MAP4K3: variants seen among roughly 807,000 people sequenced by gnomAD.
MAP4K3 encodes mitogen-activated protein kinase kinase kinase kinase 3.
In MAP4K3, 94 loss-of-function variants were observed where a neutral mutation model predicts 143.5. The observed-to-expected ratio is 0.65, with a 90% CI of 0.55 to 0.78. The LOEUF (loss-of-function observed/expected upper bound fraction) is 0.78, where lower values mean the gene tolerates loss of function less well. Ranked by LOEUF, MAP4K3 falls within the 30% of genes least tolerant of loss-of-function variation. The pLI is 0.00. For missense variants in MAP4K3, 1,077 were observed against 1,068.1 expected (o/e 1.01, Z -0.12); for synonymous variants, 416 against 347.2 (o/e 1.20, Z -2.20).
At chr2:39,374,706 T>A (rs1348659228) in intron 2 of MAP4K3, among the ~76,000 whole-genome samples, 6 of 151,930 alleles carry the variant, frequency 3.9e-5, no homozygotes, top group Non-Finnish European at 8.8e-5. Flanking sequence ...TTAAACAAAA[T>A]TTTTTAAATT....
At chr2:39,295,415 C>T (rs73923845) in intron 16 of MAP4K3, among the ~76,000 whole-genome samples, 59 of 151,802 alleles carry the variant, frequency 3.9e-4, no homozygotes, top group African/African-American at 1.4e-3. Context: ...ATAGTTATAA[C>T]CCCCATAAAC....
intron 19 of MAP4K3, among the ~76,000 whole-genome samples, chr2:39,289,852 A>G (rs1316036324): frequency 6.6e-6 from 1 of 152,240 alleles, no homozygotes; most frequent in Non-Finnish European, 1.5e-5. Flanking sequence ...TGGGAGGCCA[A>G]GGCAGGCAGA....
intron 27 of MAP4K3, 43 bp from the exon 28 acceptor site, chr2:39,265,349 G>T (rs1680725051): frequency 2.6e-6 from 3 of 1,166,622 alleles, no homozygotes; most frequent in East Asian, 2.3e-5. Flanking sequence ...ATAAAACAAA[G>T]TCATTATGAC....
At chr2:39,324,356 G>C (rs1047520994) in intron 12 of MAP4K3, among the ~76,000 whole-genome samples, 12 of 151,894 alleles carry the variant, frequency 7.9e-5, no homozygotes, top group African/African-American at 2.9e-4. Flanking sequence ...GCAGTGAGCT[G>C]AGAGCATGCC....
chr2:39,267,313 T>C (rs892305483), intron 26 of MAP4K3, 66 bp from the exon 27 acceptor site: 22 of 1,235,804 alleles, frequency 1.8e-5, no homozygotes, highest in Non-Finnish European at 2.6e-5. Context: ...AAAGCTACTG[T>C]TATAGATCAG....
chr2:39,279,714 C>A (rs1681430716), intron 23 of MAP4K3, among the ~76,000 whole-genome samples: 1 of 152,056 alleles, frequency 6.6e-6, no homozygotes, highest in African/African-American at 2.4e-5. Context: ...CTTTGGGAGG[C>A]TGAGGCGACA....
At position 39,388,213 on chromosome 2, in the gene MAP4K3, G is replaced by A. The variant is rs114781010; in HGVS notation, c.97-10090C>T. On this transcript the variant is annotated intron_variant, in intron 1 of 33. Coordinates refer to ENST00000263881, the MANE Select transcript of MAP4K3 (RefSeq NM_003618.4). ...ACTTTGCACTATAGAAGCAATAGCA[G>A]CAGCATTTCTAGCCCAAAGGTGCTC... Among the ~76,000 whole-genome samples the A allele has an allele frequency of 5.9e-3, 902 of 152,284 alleles. 7 individuals are homozygous for A. Among genetic ancestry groups the A allele is most frequent in the African/African-American group, 0.021 (865 of 41,554 alleles).
At position 39,288,162 on chromosome 2, in the gene MAP4K3, G is replaced by A; in HGVS notation, c.1433C>T (p.Pro478Leu). The change falls in exon 20 of 34, where the codon CCA becomes CTA. Residue 478 changes from proline to leucine, a missense_variant. Pro to Leu is a moderately conservative substitution (Grantham distance 98). This residue lies in a region of MAP4K3 where 864 missense variants were observed against 801.2 expected (regional missense o/e 1.08). Transcript: ENST00000263881. ...PAKPSQVPPRPPPPRLPPHKP... is the reference protein window; with the variant it reads ...PAKPSQVPPRLPPPRLPPHKP... ...GTGTGGGGGTAATCTGGGAGGTGGT[G>A]GTCTAGGTGGAACTTGGGATGGCTT... 2 of 1,614,116 alleles carry A rather than the reference G, an allele frequency of 1.2e-6. No individual in the cohort carries two copies. The highest frequency in any genetic ancestry group is 1.7e-6 in the Non-Finnish European group (2 of 1,180,018).
chr2:39,266,402 CA>C (rs1404617575), intron 27 of MAP4K3, among the ~76,000 whole-genome samples: 1 of 152,230 alleles, frequency 6.6e-6, no homozygotes, highest in Non-Finnish European at 1.5e-5. Flanking sequence ...CATGCTCACA[CA>C]AGGCCAATGG....
Position 39,260,668 on chromosome 2 carries a change from T to A in MAP4K3, c.2246A>T (p.Asn749Ile), listed in dbSNP as rs1158705173. 1.9e-6 allele frequency: 3 copies of A among 1,613,984 alleles called. No homozygotes were observed. Among genetic ancestry groups the A allele is most frequent in the Non-Finnish European group, 2.5e-6 (3 of 1,179,994 alleles). Reference protein sequence around the residue: ...CVGVSRGRDFNQVVRFETVNP... With the variant: ...CVGVSRGRDFIQVVRFETVNP... ...GACCGTCTCAAATCGAACCACTTGGTTGAAGTCTCTACCTCTACTGACACC... is the reference window on the plus strand; with the variant it reads ...GACCGTCTCAAATCGAACCACTTGGATGAAGTCTCTACCTCTACTGACACC... The change falls in exon 29 of 34, where the codon AAC (asparagine) becomes ATC (isoleucine). Residue 749 changes from asparagine (N) to isoleucine (I), a missense_variant. Around this residue, in one of 2 missense-constraint regions of MAP4K3, gnomAD observed 864 missense variants for 801.2 expected, o/e 1.08. Coordinates refer to ENST00000263881, the MANE Select transcript of MAP4K3 (RefSeq NM_003618.4).
intron 16 of MAP4K3, among the ~76,000 whole-genome samples, chr2:39,298,797 C>T (rs573070722): frequency 6.6e-6 from 1 of 152,114 alleles, no homozygotes; most frequent in East Asian, 1.9e-4. Context: ...GAAACCCAGT[C>T]TCTACAAAAA....
chr2:39,356,391 T>G, intron 2 of MAP4K3, 52 bp from the exon 3 acceptor site: 1 of 929,218 alleles, frequency 1.1e-6, no homozygotes, highest in Non-Finnish European at 1.7e-6. Context: ...TTCAAAATGC[T>G]CATTTATTTC....
In MAP4K3 at chr2:39,266,852, A is replaced by C. The variant is rs17023504; in HGVS notation, c.2032+337T>G. 1.7e-3 allele frequency among the ~76,000 whole-genome samples: 255 copies of C among 152,202 alleles called. 6 individuals carry two copies. In the East Asian group the frequency reaches 0.024, roughly 14 times the overall value. ...CATCTCACAAGCCATTGCTAAGCAGAATGGTGAATGGTACGTAACAGGACC... is the reference window on the plus strand; with the variant it reads ...CATCTCACAAGCCATTGCTAAGCAGCATGGTGAATGGTACGTAACAGGACC... On this transcript the variant is annotated intron_variant, in intron 27 of 33. Transcript: ENST00000263881.
chr2:39,252,890 G>A (rs1405719077), intron 32 of MAP4K3, among the ~76,000 whole-genome samples: 2 of 152,198 alleles, frequency 1.3e-5, no homozygotes, highest in Non-Finnish European at 1.5e-5. Context: ...TTGCCTACTA[G>A]AAGAAGCTAA....
chr2:39,340,032 AT>A (rs56960319), intron 4 of MAP4K3, among the ~76,000 whole-genome samples: 10,636 of 152,196 alleles, frequency 0.07, 1,271 homozygotes, highest in African/African-American at 0.24. Context: ...ATAGAAAAAA[AT>A]CCTATTATGT....
At chr2:39,418,048 G>C (rs1207420530) in intron 1 of MAP4K3, among the ~76,000 whole-genome samples, 3 of 151,978 alleles carry the variant, frequency 2.0e-5, no homozygotes, top group African/African-American at 7.2e-5. Context: ...TAAAAAAATA[G>C]AAAAATTAGC....
At chr2:39,270,025 T>G (rs777915084) in intron 26 of MAP4K3, among the ~76,000 whole-genome samples, 13 of 152,186 alleles carry the variant, frequency 8.5e-5, no homozygotes, top group Admixed American at 5.9e-4. Flanking sequence ...ACCAAGCTCC[T>G]GACAGATTTC....
chr2:39,285,817 G>A (rs1681750961), intron 21 of MAP4K3, among the ~76,000 whole-genome samples: 1 of 152,058 alleles, frequency 6.6e-6, no homozygotes, highest in South Asian at 2.1e-4. Context: ...TGAGATATTG[G>A]GGATTTTAAG....
intron 28 of MAP4K3, among the ~76,000 whole-genome samples, chr2:39,261,900 A>G (rs1303808882): frequency 1.3e-5 from 2 of 151,448 alleles, no homozygotes; most frequent in East Asian, 1.9e-4. Flanking sequence ...GTAAAAAAAG[A>G]GAAAAAAGGA....
Sources: gnomAD v4.1 joint callset for allele counts (sites outside exome capture counted in the v4.1 genomes callset) on GRCh38, gnomAD v4.1.1 for gene constraint, gnomAD v4.1.1 regional missense constraint, MANE v1.5 for transcripts, NCBI Gene and HGNC (gene_info 2026-07-23, HGNC 2026-07-21) for gene names.